Variants in SLC9A7 observed in about 807,000 individuals in gnomAD.
The protein encoded by SLC9A7 is sodium/hydrogen exchanger 7.
SLC9A7 carries 19 observed loss-of-function variants against 52.6 expected under a neutral mutation model. The ratio of observed to expected loss-of-function variants is 0.36; its 90% CI spans 0.25 to 0.53. The LOEUF (loss-of-function observed/expected upper bound fraction) is 0.53, where lower values mean the gene tolerates loss of function less well. Among genes scored for constraint, SLC9A7 ranks in the 20% least tolerant of loss-of-function variants. The pLI is 0.91. For synonymous variants in SLC9A7, 226 were observed against 252.1 expected (o/e 0.90, Z 0.98); for missense variants, 455 against 597.9 (o/e 0.76, Z 2.49).
chrX:46,685,210 A>C (rs1944276037), intron 1 of SLC9A7: 1 of 111,295 alleles, frequency 9.0e-6, no homozygotes, highest in African/African-American at 3.3e-5. Context: ...TAACATCTAT[A>C]ATGGCTTCAG....
intron 7 of SLC9A7, among the ~76,000 whole-genome samples, chrX:46,657,133 G>A (rs1367304449): frequency 9.1e-6 from 1 of 109,637 alleles, no homozygotes. Flanking sequence ...AGCTTCATAA[G>A]TGAAGGGGAA....
chrX:46,755,553 G>A (rs782352903), intron 1 of SLC9A7, among the ~76,000 whole-genome samples: 46 of 111,215 alleles, frequency 4.1e-4, no homozygotes, highest in African/African-American at 1.4e-3. Flanking sequence ...TATTACAGCC[G>A]GGTGCGGTGG....
Position 46,653,542 on chromosome X carries a change from T to C in SLC9A7, c.1147+67A>G, listed in dbSNP as rs1943618055. The C allele has an allele frequency of 6.3e-5, 46 of 731,731 alleles. No individual in the cohort carries two copies. In the South Asian group the frequency reaches 9.8e-4, roughly 16 times the overall value. 60.3% of individuals were successfully genotyped at this position (731,731 alleles called of 1,213,427 possible). A position where few individuals can be genotyped will look rare whatever the true frequency, so the allele number is the denominator to read the frequency against. On this transcript the variant is annotated intron_variant, in intron 8 of 16. Transcript: ENST00000616978. ...AGCTGTTATCTAAGAATTCTTCCCT[T>C]CCTTCAAGTTCCCACAGACCCCACT...
rs1005744017 is a variant in SLC9A7 at position 46,626,740 on chromosome X, A to C, written c.1740+4846T>G. On this transcript the variant is annotated intron_variant, in intron 14 of 16. Coordinates refer to ENST00000616978, the MANE Select transcript of SLC9A7 (RefSeq NM_001257291.2). ...TGAGTTCTCACGAGATCTGGTTAAAAGTGTGCGGCACTTCCCCCTTGCTCT... is the reference window on the plus strand; with the variant it reads ...TGAGTTCTCACGAGATCTGGTTAAACGTGTGCGGCACTTCCCCCTTGCTCT... Among the ~76,000 whole-genome samples, 14 of 111,899 alleles carry C rather than the reference A, an allele frequency of 1.3e-4. No individual in the cohort carries two copies. The Admixed American group carries it at 1.3e-3, about 11-fold the overall frequency.
At chrX:46,689,161 C>T (rs1399430477) in intron 1 of SLC9A7, among the ~76,000 whole-genome samples, 2 of 112,144 alleles carry the variant, frequency 1.8e-5, no homozygotes, top group African/African-American at 3.2e-5. Context: ...CTTCATCCTA[C>T]ATATTAACCC....
rs750907246 is a variant in SLC9A7, at chrX:46,601,916, C to G, written c.*5036G>C. The G allele has an allele frequency of 1.8e-5, 2 of 111,958 alleles. No homozygotes were observed. The highest frequency in any genetic ancestry group is 3.8e-5 in the Non-Finnish European group (2 of 53,220). 9.2% of individuals were successfully genotyped at this position (111,958 alleles called of 1,213,427 possible). A position where few individuals can be genotyped will look rare whatever the true frequency, so the allele number is the denominator to read the frequency against. On this transcript the variant is annotated 3_prime_UTR_variant, in exon 17 of 17. Transcript: ENST00000616978. Reference sequence around the variant, plus strand: ...ACCATGTGATAGCAAAGGACCACAACCTTCTACTTTGCTCCAGCAGTAAAT... The same window carrying G: ...ACCATGTGATAGCAAAGGACCACAAGCTTCTACTTTGCTCCAGCAGTAAAT...
chrX:46,648,283 C>G (rs747827666), intron 11 of SLC9A7, among the ~76,000 whole-genome samples: 11 of 111,918 alleles, frequency 9.8e-5, no homozygotes, highest in Non-Finnish European at 1.1e-4. Context: ...GAGGATACTG[C>G]GGCTGGGAGG....
At chrX:46,647,071 A>G in intron 11 of SLC9A7, 1 of 326,504 alleles carries the variant, frequency 3.1e-6, no homozygotes, top group Non-Finnish European at 5.9e-6. Flanking sequence ...AGTGCCACTC[A>G]TTAAGATGCC....
At chrX:46,718,657 A>G (rs1451856598) in intron 1 of SLC9A7, among the ~76,000 whole-genome samples, 4 of 112,621 alleles carry the variant, frequency 3.6e-5, no homozygotes, top group Non-Finnish European at 7.5e-5. Flanking sequence ...GACACTTCTC[A>G]AAAGAAGACA....
intron 10 of SLC9A7, among the ~76,000 whole-genome samples, chrX:46,650,327 G>A (rs1420698178): frequency 8.9e-6 from 1 of 111,783 alleles, no homozygotes; most frequent in Non-Finnish European, 1.9e-5. Context: ...GAGGCCAAGT[G>A]AGCAAAACCC....
At chrX:46,688,951 CTTTT>C (rs1262127641) in intron 1 of SLC9A7, among the ~76,000 whole-genome samples, 3 of 109,751 alleles carry the variant, frequency 2.7e-5, no homozygotes, top group African/African-American at 9.9e-5. Flanking sequence ...TTTTTCCTTT[CTTTT>C]TTAAAATTTC....
At position 46,618,290 on chromosome X, in the gene SLC9A7, G is replaced by C. The variant is rs141576860; in HGVS notation, c.1823+2687C>G. Among the ~76,000 whole-genome samples, 1,025 of 111,916 alleles carry C rather than the reference G, an allele frequency of 9.2e-3. 5 individuals are homozygous for C. The highest frequency in any genetic ancestry group is 0.016 in the Non-Finnish European group (833 of 53,145). On this transcript the variant is annotated intron_variant, in intron 15 of 16. Transcript: ENST00000616978. ...TCAAGACTAACTCTCACAGGAACTA[G>C]GGCCCAGCATCAAATCATCCTTATT...
chrX:46,672,988 C>T (rs1230675866), intron 3 of SLC9A7, among the ~76,000 whole-genome samples: 3 of 112,043 alleles, frequency 2.7e-5, no homozygotes, highest in African/African-American at 6.5e-5. Context: ...TGATACAGCA[C>T]GTCACTTCCA....
chrX:46,634,982 C>G (rs1397433329), intron 13 of SLC9A7, among the ~76,000 whole-genome samples: 1 of 111,217 alleles, frequency 9.0e-6, no homozygotes, highest in Non-Finnish European at 1.9e-5. Context: ...CAGACATCAC[C>G]ACCCTTAAGC....
At chrX:46,685,482 T>A (rs756452472) in intron 1 of SLC9A7, 9 of 112,231 alleles carry the variant, frequency 8.0e-5, no homozygotes, top group African/African-American at 2.9e-4. Flanking sequence ...TGGGATAACC[T>A]TCTTGTCCTG....
intron 4 of SLC9A7, among the ~76,000 whole-genome samples, chrX:46,670,997 A>G (rs1302805675): frequency 8.9e-6 from 1 of 111,795 alleles, no homozygotes; most frequent in Non-Finnish European, 1.9e-5. Context: ...CCAGTTATGT[A>G]AAGTGTCATT....
intron 1 of SLC9A7, among the ~76,000 whole-genome samples, chrX:46,730,741 T>A (rs1254092404): frequency 1.2e-5 from 1 of 84,974 alleles, no homozygotes; most frequent in East Asian, 4.1e-4. Flanking sequence ...TTTATAATAG[T>A]ACCAAAAATA....
chrX:46,712,373 G>A (rs1263244651), intron 1 of SLC9A7, among the ~76,000 whole-genome samples: 3 of 110,892 alleles, frequency 2.7e-5, no homozygotes, highest in African/African-American at 9.9e-5. Context: ...AAGAGAGGGA[G>A]CAAGTGAGAG....
chrX:46,749,736 C>T (rs934717578), intron 1 of SLC9A7, among the ~76,000 whole-genome samples: 2 of 111,332 alleles, frequency 1.8e-5, no homozygotes, highest in Non-Finnish European at 3.8e-5. Flanking sequence ...CTGCCTCATT[C>T]CTCACTGTTC....
Sources: allele counts gnomAD v4.1 joint callset (sites outside exome capture counted in the v4.1 genomes callset), GRCh38; gene constraint gnomAD v4.1.1; transcripts MANE v1.5; gene names NCBI Gene and HGNC (gene_info 2026-07-23, HGNC 2026-07-21).